Variants in RELCH observed in about 807,000 individuals in gnomAD.
RELCH encodes RAB11-binding protein RELCH.
RELCH carries 41 observed loss-of-function variants against 150.3 expected under a neutral mutation model. That is an observed-to-expected ratio of 0.27 (90% confidence interval 0.21 to 0.35). The LOEUF is 0.35. Among genes scored for constraint, RELCH ranks in the 10% least tolerant of loss-of-function variants. The probability of loss-of-function intolerance (pLI) is 1.00; values close to 1 mark genes in which losing one functional copy is unlikely to be tolerated. For synonymous variants in RELCH, 478 were observed against 531.8 expected (o/e 0.90, Z 1.39); for missense variants, 1,092 against 1,467.8 (o/e 0.74, Z 4.18).
chr18:62,217,368 T>TATG (rs2040545495), intron 2 of RELCH, among the ~76,000 whole-genome samples: 1 of 152,174 alleles, frequency 6.6e-6, no homozygotes. Context: ...AGGTCTGAAC[T>TATG]ATGACAATTG....
chr18:62,299,071 C>T (rs1046437868), intron 28 of RELCH, among the ~76,000 whole-genome samples: 3 of 152,104 alleles, frequency 2.0e-5, no homozygotes, highest in Admixed American at 6.6e-5. Flanking sequence ...AGGTCTCCAC[C>T]CCATGCCCTG....
At chr18:62,265,150 C>T (rs2043485115) in intron 18 of RELCH, among the ~76,000 whole-genome samples, 1 of 152,042 alleles carries the variant, frequency 6.6e-6, no homozygotes, top group African/African-American at 2.4e-5. Context: ...GGGAACTCAA[C>T]CACAATCCTT....
rs1457505387 is a variant in RELCH at position 62,306,651 on chromosome 18, G to C, written c.*1117G>C. The C allele has an allele frequency of 6.6e-6, 1 of 152,578 alleles. No individual in the cohort carries two copies. Among genetic ancestry groups the C allele is most frequent in the African/African-American group, 2.4e-5 (1 of 41,426 alleles). The allele number at this position is 152,578 out of a possible 1,614,324, so 9.5% of individuals were successfully genotyped here. A position where few individuals can be genotyped will look rare whatever the true frequency, so the allele number is the denominator to read the frequency against. On this transcript the variant is annotated 3_prime_UTR_variant, in exon 29 of 29. Transcript: ENST00000644646. ...ACATAGAGTCTTAAGTCAGTGTACA[G>C]TTCCACTGGAATTTGACAGTTGTCT...
chr18:62,207,721 G>T (rs1227746529), intron 1 of RELCH, among the ~76,000 whole-genome samples: 12 of 152,210 alleles, frequency 7.9e-5, no homozygotes, highest in African/African-American at 2.6e-4. Flanking sequence ...GTACAATTTG[G>T]TGGTTCTCTG....
In RELCH at chr18:62,206,569, C is replaced by A. The variant is rs191725681; in HGVS notation, c.527-4584C>A. ...TTGTCAAGATTGTGCTTTCTATACACAAATAATCCATTTCCTTAGATCAAT... is the reference window on the plus strand; with the variant it reads ...TTGTCAAGATTGTGCTTTCTATACAAAAATAATCCATTTCCTTAGATCAAT... On this transcript the variant is annotated intron_variant, in intron 1 of 28. Coordinates refer to ENST00000644646, the MANE Select transcript of RELCH (RefSeq NM_001346231.2). 6.6e-5 allele frequency among the ~76,000 whole-genome samples: 10 copies of A among 152,306 alleles called. No homozygotes were observed. In the East Asian group the frequency reaches 1.9e-3, roughly 29 times the overall value.
intron 10 of RELCH, among the ~76,000 whole-genome samples, chr18:62,233,191 T>A (rs2041685011): frequency 6.6e-6 from 1 of 151,650 alleles, no homozygotes; most frequent in Admixed American, 6.6e-5. Context: ...CTCATTTAAA[T>A]GACAGTGGAT....
chr18:62,233,905 A>C (rs1289484729), intron 10 of RELCH, among the ~76,000 whole-genome samples: 1 of 152,018 alleles, frequency 6.6e-6, no homozygotes, highest in Non-Finnish European at 1.5e-5. Flanking sequence ...AATCAGATAC[A>C]TTATACATAC....
intron 10 of RELCH, among the ~76,000 whole-genome samples, chr18:62,237,228 T>A (rs2041921189): frequency 6.6e-6 from 1 of 151,858 alleles, no homozygotes; most frequent in African/African-American, 2.4e-5. Context: ...TGGAGAACGT[T>A]CTGTGTGCAT....
chr18:62,215,848 C>G (rs2040444443), intron 2 of RELCH, among the ~76,000 whole-genome samples: 1 of 152,060 alleles, frequency 6.6e-6, no homozygotes, highest in Admixed American at 6.6e-5. Flanking sequence ...ATAGCATATT[C>G]TTGTCTTTCT....
intron 24 of RELCH, among the ~76,000 whole-genome samples, chr18:62,281,395 A>G (rs1402622405): frequency 6.6e-6 from 1 of 152,216 alleles, no homozygotes; most frequent in Non-Finnish European, 1.5e-5. Context: ...TGAAGCTGTA[A>G]AAGTGATTTA....
intron 5 of RELCH, among the ~76,000 whole-genome samples, chr18:62,222,915 T>C (rs2040973827): frequency 6.6e-6 from 1 of 151,836 alleles, no homozygotes; most frequent in Non-Finnish European, 1.5e-5. Flanking sequence ...AGGGAAATTA[T>C]GAAGTATTTT....
chr18:62,266,404 C>T (rs1011572978), intron 18 of RELCH, among the ~76,000 whole-genome samples: 1 of 151,802 alleles, frequency 6.6e-6, no homozygotes, highest in African/African-American at 2.4e-5. Context: ...TAATTTCAAC[C>T]ACTTAAAATC....
intron 10 of RELCH, among the ~76,000 whole-genome samples, chr18:62,234,722 T>A (rs1175976430): frequency 6.6e-6 from 1 of 151,986 alleles, no homozygotes; most frequent in East Asian, 1.9e-4. Flanking sequence ...ATGCAGTCAG[T>A]TTTGCTAGCT....
At chr18:62,246,302 A>C (rs1382294233) in intron 11 of RELCH, 1 of 152,192 alleles carries the variant, frequency 6.6e-6, no homozygotes, top group African/African-American at 2.4e-5. Context: ...TTTCTTAGAA[A>C]TATGTGTATA....
rs2045945379 is a variant in RELCH at position 62,308,959 on chromosome 18, G to C, written c.*3425G>C. Reference sequence around the variant, plus strand: ...GTACATTAAAAAGAAATAGAGACTGGCCGGGCACGGTGGCTCATGCCTGTA... The same window carrying C: ...GTACATTAAAAAGAAATAGAGACTGCCCGGGCACGGTGGCTCATGCCTGTA... On this transcript the variant is annotated 3_prime_UTR_variant, in exon 29 of 29. Coordinates refer to ENST00000644646, the MANE Select transcript of RELCH (RefSeq NM_001346231.2). 1.3e-5 allele frequency: 2 copies of C among 151,946 alleles called. No individual in the cohort carries two copies. Among genetic ancestry groups the C allele is most frequent in the Admixed American group, 1.3e-4 (2 of 15,256 alleles). 9.4% of individuals were successfully genotyped at this position (151,946 alleles called of 1,614,324 possible).
Position 62,309,748 on chromosome 18 carries a change from C to T in RELCH, c.*4214C>T, listed in dbSNP as rs1282257732. ...TATTACTATTTTAATTCCTTTTATT[C>T]CATTACAGACTAATCCACCATATTT... On this transcript the variant is annotated 3_prime_UTR_variant, in exon 29 of 29. Coordinates refer to ENST00000644646, the MANE Select transcript of RELCH (RefSeq NM_001346231.2). The T allele has an allele frequency of 6.6e-6, 1 of 152,090 alleles. No homozygotes were observed. Among genetic ancestry groups the T allele is most frequent in the African/African-American group, 2.4e-5 (1 of 41,398 alleles). 9.4% of individuals were successfully genotyped at this position (152,090 alleles called of 1,614,324 possible).
At chr18:62,211,917 A>G (rs1315490829) in intron 2 of RELCH, among the ~76,000 whole-genome samples, 1 of 152,142 alleles carries the variant, frequency 6.6e-6, no homozygotes, top group Non-Finnish European at 1.5e-5. Flanking sequence ...TATGATCCAA[A>G]AAAAAGAGGG....
chr18:62,207,854 C>G (rs2039909128), intron 1 of RELCH, among the ~76,000 whole-genome samples: 1 of 152,164 alleles, frequency 6.6e-6, no homozygotes, highest in Non-Finnish European at 1.5e-5. Context: ...CTAAAATCTA[C>G]TTTGTGTTTC....
At chr18:62,212,071 T>C (rs939385015) in intron 2 of RELCH, among the ~76,000 whole-genome samples, 5 of 152,312 alleles carry the variant, frequency 3.3e-5, no homozygotes, top group Admixed American at 2.6e-4. Context: ...CCCATACCAG[T>C]CTTGCCTTCT....
Sources: allele counts gnomAD v4.1 joint callset (sites outside exome capture counted in the v4.1 genomes callset), GRCh38; gene constraint gnomAD v4.1.1; transcripts MANE v1.5; gene names NCBI Gene and HGNC (gene_info 2026-07-23, HGNC 2026-07-21).